GRAMD1B: variants seen among roughly 807,000 people sequenced by gnomAD.
The protein encoded by GRAMD1B is GRAM domain containing 1B.
GRAMD1B carries 37 observed loss-of-function variants against 99.7 expected under a neutral mutation model. The ratio of observed to expected loss-of-function variants is 0.37; its 90% CI spans 0.29 to 0.49. The LOEUF (loss-of-function observed/expected upper bound fraction) is 0.49. Ranked by LOEUF, GRAMD1B falls within the 20% of genes least tolerant of loss-of-function variation. The pLI, the probability that GRAMD1B is intolerant of heterozygous loss-of-function variation, is 0.98. For missense variants in GRAMD1B, 888 were observed against 1,009.2 expected (o/e 0.88, Z 1.63); for synonymous variants, 427 against 387.6 (o/e 1.10, Z -1.19).
intron 1 of GRAMD1B, among the ~76,000 whole-genome samples, chr11:123,378,412 C>T (rs904969501): frequency 1.3e-5 from 2 of 152,190 alleles, no homozygotes; most frequent in Non-Finnish European, 2.9e-5. Context: ...AACATTCCTA[C>T]TAGTTCTGAA....
intron 2 of GRAMD1B, among the ~76,000 whole-genome samples, chr11:123,553,391 G>T (rs1043292676): frequency 5.9e-5 from 9 of 152,036 alleles, no homozygotes; most frequent in African/African-American, 1.9e-4. Flanking sequence ...TGTTTATTCT[G>T]CTGGGCTGCA....
intron 2 of GRAMD1B, among the ~76,000 whole-genome samples, chr11:123,537,036 A>G (rs1255028945): frequency 6.6e-6 from 1 of 152,112 alleles, no homozygotes; most frequent in Non-Finnish European, 1.5e-5. Context: ...CTGAGTTTCC[A>G]CTGGATTCTT....
intron 1 of GRAMD1B, among the ~76,000 whole-genome samples, chr11:123,442,395 C>A (rs1048926273): frequency 2.0e-5 from 3 of 152,110 alleles, no homozygotes; most frequent in African/African-American, 7.2e-5. Flanking sequence ...CATTCCAGAC[C>A]CAAAGAGAGT....
At chr11:123,530,198 C>T (rs1480022390) in intron 2 of GRAMD1B, among the ~76,000 whole-genome samples, 2 of 61,154 alleles carry the variant, frequency 3.3e-5, no homozygotes, top group Non-Finnish European at 3.9e-5. Context: ...TGGGAGGGTC[C>T]ATTTTTTTTT....
At chr11:123,598,598 T>G (rs1592207349) in intron 7 of GRAMD1B, 1 of 1,523,084 alleles carries the variant, frequency 6.6e-7, no homozygotes. Flanking sequence ...TGGTGCTGAA[T>G]AGTCTCTGGG....
At chr11:123,496,384 C>A (rs1402240424) in intron 2 of GRAMD1B, among the ~76,000 whole-genome samples, 2 of 152,066 alleles carry the variant, frequency 1.3e-5, no homozygotes, top group Non-Finnish European at 2.9e-5. Context: ...CTTTTAGGAT[C>A]CTTTTTTAAA....
In GRAMD1B at chr11:123,462,899, A is replaced by T. The variant is rs900458788; in HGVS notation, c.375-17917A>T. On this transcript the variant is annotated intron_variant, in intron 1 of 19. Transcript: ENST00000635736. ...TCAATAAAAAAATAAATTAAAAAAA[A>T]AAAAAAAAAAAAAGAAATCCCTGTT... 4.0e-3 allele frequency among the ~76,000 whole-genome samples: 590 copies of T among 146,502 alleles called. 7 individuals are homozygous for T. The highest frequency in any genetic ancestry group is 0.013 in the African/African-American group (538 of 39,924).
intron 1 of GRAMD1B, among the ~76,000 whole-genome samples, chr11:123,389,185 C>G (rs1490350522): frequency 6.6e-6 from 1 of 152,052 alleles, no homozygotes; most frequent in Admixed American, 6.6e-5. Context: ...GGGATTGAGA[C>G]CATCCTGGCT....
intron 1 of GRAMD1B, among the ~76,000 whole-genome samples, chr11:123,364,919 A>C (rs1265403928): frequency 6.6e-6 from 1 of 152,170 alleles, no homozygotes; most frequent in Non-Finnish European, 1.5e-5. Context: ...CATTTTTCCT[A>C]GTGAGAATGG....
chr11:123,488,929 T>TG (rs756604270), intron 2 of GRAMD1B, among the ~76,000 whole-genome samples: 2,072 of 151,030 alleles, frequency 0.014, 21 homozygotes, highest in African/African-American at 0.032. Context: ...GGAAAATAGT[T>TG]AGGGGGGGGC....
At chr11:123,400,264 G>A (rs1947613944) in intron 1 of GRAMD1B, among the ~76,000 whole-genome samples, 1 of 152,058 alleles carries the variant, frequency 6.6e-6, no homozygotes, top group Non-Finnish European at 1.5e-5. Flanking sequence ...ATCACCTGAG[G>A]TCAGGAGTTC....
chr11:123,487,413 A>G (rs1937948707), intron 2 of GRAMD1B, among the ~76,000 whole-genome samples: 1 of 152,156 alleles, frequency 6.6e-6, no homozygotes, highest in Admixed American at 6.5e-5. Context: ...GGGAGAAAGC[A>G]AGGCATGTTC....
chr11:123,372,003 GAA>G (rs112368810), intron 1 of GRAMD1B, among the ~76,000 whole-genome samples: 1 of 149,760 alleles, frequency 6.7e-6, no homozygotes, highest in African/African-American at 2.5e-5. Flanking sequence ...AAAATCAGGG[GAA>G]AAAAAAAATC....
In GRAMD1B at chr11:123,399,490, A is replaced by T. The variant is rs554897663; in HGVS notation, c.-176+40691A>T. ...GGATCATACAGTATTTTATTTATTTATTTTTTTTGGAACCTCCATAATGTT... is the reference window on the plus strand; with the variant it reads ...GGATCATACAGTATTTTATTTATTTTTTTTTTTTGGAACCTCCATAATGTT... On this transcript the variant is annotated intron_variant, in intron 1 of 20. Transcript: ENST00000638157. Among the ~76,000 whole-genome samples, 915 of 151,844 alleles carry T rather than the reference A, an allele frequency of 6.0e-3. 5 individuals are homozygous for T. The highest frequency in any genetic ancestry group is 0.014 in the Middle Eastern group (4 of 294).
At chr11:123,596,840 C>T (rs567956589) in intron 7 of GRAMD1B, among the ~76,000 whole-genome samples, 7 of 152,318 alleles carry the variant, frequency 4.6e-5, no homozygotes, top group South Asian at 4.1e-4. Context: ...GATGACTGTG[C>T]TTATAAGGCA....
At chr11:123,547,543 C>T (rs1945139175) in intron 2 of GRAMD1B, among the ~76,000 whole-genome samples, 1 of 152,126 alleles carries the variant, frequency 6.6e-6, no homozygotes, top group Non-Finnish European at 1.5e-5. Context: ...ATTTCAAACC[C>T]AATTATGCCA....
At chr11:123,592,343 A>AC (rs1460345141) in intron 4 of GRAMD1B, among the ~76,000 whole-genome samples, 2 of 152,216 alleles carry the variant, frequency 1.3e-5, no homozygotes, top group Non-Finnish European at 2.9e-5. Context: ...CTCAGACAGC[A>AC]CTGAGTCAGA....
intron 6 of GRAMD1B, among the ~76,000 whole-genome samples, chr11:123,595,472 T>A (rs1254835769): frequency 6.6e-6 from 1 of 151,994 alleles, no homozygotes; most frequent in Non-Finnish European, 1.5e-5. Context: ...TTGTATTTTT[T>A]AAGTAGAGAC....
chr11:123,606,687 A>G lies in GRAMD1B; in HGVS notation c.1402A>G (p.Met468Val), dbSNP rs371265661. ...LEKELAIDNI[M>V]GEKIEMIAPV... ...AAAGGAGCTCGCCATTGACAACATCATGGGGGAGAAGATTGAGATGATCGC... is the reference window on the plus strand; with the variant it reads ...AAAGGAGCTCGCCATTGACAACATCGTGGGGGAGAAGATTGAGATGATCGC... Residue 468 changes from methionine (M) to valine (V), a missense_variant, in exon 11 of 20, where the codon ATG becomes GTG. Around this residue, in one of 5 missense-constraint regions of GRAMD1B, gnomAD observed 269 missense variants for 296.6 expected, o/e 0.91. Transcript: ENST00000635736. 1 of 1,613,564 alleles carries G rather than the reference A, an allele frequency of 6.2e-7. No individual in the cohort carries two copies. Among genetic ancestry groups the G allele is most frequent in the South Asian group, 1.1e-5 (1 of 90,878 alleles).
Sources: gnomAD v4.1 joint callset for allele counts (sites outside exome capture counted in the v4.1 genomes callset) on GRCh38, gnomAD v4.1.1 for gene constraint, gnomAD v4.1.1 regional missense constraint, MANE v1.5 for transcripts, NCBI Gene and HGNC (gene_info 2026-07-23, HGNC 2026-07-21) for gene names.